Variants in COL24A1 observed in about 807,000 individuals in gnomAD.
The protein encoded by COL24A1 is collagen alpha-1(XXIV) chain.
COL24A1 carries 224 observed loss-of-function variants against 253.9 expected under a neutral mutation model. That is an observed-to-expected ratio of 0.88 (90% CI 0.79 to 0.99). The LOEUF (loss-of-function observed/expected upper bound fraction) is 0.99, where lower values mean the gene tolerates loss of function less well. COL24A1 is among the 50% of genes least tolerant of loss of function. The probability of loss-of-function intolerance (pLI) is 0.00; values close to 1 mark genes in which losing one functional copy is unlikely to be tolerated. For synonymous variants in COL24A1, 685 were observed against 673.7 expected, an observed-to-expected ratio of 1.02 and a Z score of -0.26; for missense variants, 2,131 against 2,068.5, an observed-to-expected ratio of 1.03 and a Z score of -0.59.
At chr1:86,070,250 C>G (rs922814309) in intron 7 of COL24A1, among the ~76,000 whole-genome samples, 10 of 152,104 alleles carry the variant, frequency 6.6e-5, no homozygotes, top group Non-Finnish European at 1.3e-4. Flanking sequence ...ACTTAGTGAG[C>G]TTGAAGACAG....
At chr1:85,823,874 G>T in intron 43 of COL24A1, 136 bp from the exon 44 acceptor site, 1 of 762,308 alleles carries the variant, frequency 1.3e-6, no homozygotes, top group Non-Finnish European at 2.1e-6. Flanking sequence ...ATTCTTCTTG[G>T]AAATAGAAAA....
At chr1:85,759,575 C>T (rs908862723) in intron 55 of COL24A1, among the ~76,000 whole-genome samples, 1 of 151,722 alleles carries the variant, frequency 6.6e-6, no homozygotes, top group Non-Finnish European at 1.5e-5. Context: ...TTCATATTGG[C>T]CAAGAAGGAA....
At chr1:85,925,953 C>A (rs1357722122) in intron 24 of COL24A1, among the ~76,000 whole-genome samples, 1 of 152,056 alleles carries the variant, frequency 6.6e-6, no homozygotes, top group African/African-American at 2.4e-5. Flanking sequence ...CCAGAAACTA[C>A]AAAGAACTTA....
intron 12 of COL24A1, among the ~76,000 whole-genome samples, chr1:86,041,524 A>G (rs886705056): frequency 8.5e-5 from 13 of 152,142 alleles, no homozygotes; most frequent in African/African-American, 2.9e-4. Context: ...AAAAGCAACT[A>G]TAGAATTTCC....
At chr1:85,876,805 T>C (rs763677662) in intron 33 of COL24A1, among the ~76,000 whole-genome samples, 61 of 152,198 alleles carry the variant, frequency 4.0e-4, no homozygotes, top group Non-Finnish European at 8.2e-4. Context: ...GGGTAATGTC[T>C]CAGTATTCTT....
intron 5 of COL24A1, among the ~76,000 whole-genome samples, chr1:86,108,508 C>T (rs916226918): frequency 1.3e-5 from 2 of 150,380 alleles, no homozygotes; most frequent in Non-Finnish European, 2.9e-5. Flanking sequence ...TCGGGCTGGT[C>T]GCGGTGGCTC....
intron 24 of COL24A1, among the ~76,000 whole-genome samples, chr1:85,948,953 C>T (rs1405575622): frequency 1.3e-5 from 2 of 151,998 alleles, no homozygotes; most frequent in Admixed American, 6.6e-5. Context: ...TTGCCAATTA[C>T]TTAATCTTTT....
intron 2 of COL24A1, among the ~76,000 whole-genome samples, chr1:86,143,624 T>G (rs1430370080): frequency 6.6e-6 from 1 of 151,938 alleles, no homozygotes; most frequent in African/African-American, 2.4e-5. Context: ...TAATAGGAAG[T>G]CAATATAATA....
chr1:86,010,714 A>G (rs771897955), intron 19 of COL24A1, among the ~76,000 whole-genome samples: 4 of 152,134 alleles, frequency 2.6e-5, no homozygotes, highest in Admixed American at 1.3e-4. Context: ...ATGTAGGAGA[A>G]TGATTGAATA....
intron 37 of COL24A1, among the ~76,000 whole-genome samples, chr1:85,852,335 C>A (rs1677869923): frequency 6.6e-6 from 1 of 152,146 alleles, no homozygotes; most frequent in South Asian, 2.1e-4. Context: ...CACTAACTAA[C>A]TTAATTACTC....
At chr1:85,747,252 T>C (rs945367399) in intron 55 of COL24A1, among the ~76,000 whole-genome samples, 1 of 151,864 alleles carries the variant, frequency 6.6e-6, no homozygotes, top group Non-Finnish European at 1.5e-5. Context: ...TAGCTGTGAC[T>C]ACAGGCTTGT....
intron 55 of COL24A1, among the ~76,000 whole-genome samples, chr1:85,760,701 A>G (rs557168279): frequency 6.6e-6 from 1 of 152,250 alleles, no homozygotes; most frequent in African/African-American, 2.4e-5. Flanking sequence ...AGAAAATGTG[A>G]CCAAGGACCA....
In COL24A1 at chr1:85,784,284, C is replaced by T; in HGVS notation, c.4142G>A (p.Gly1381Glu). The change falls in exon 49 of 60, where the codon GGA becomes GAA. Residue 1381 changes from glycine to glutamate, a missense_variant. Gly to Glu is a moderately conservative substitution (Grantham distance 98). Transcript: ENST00000370571. ...AGGCTGCCCTTTCAGGCCAGGGTCT[C>T]CACATGGTCCTTGATCACCTTGTGC... Reference protein sequence around the residue: ...RGAQGDQGPCGDPGLKGQPGE... With the variant: ...RGAQGDQGPCEDPGLKGQPGE... 6.2e-7 allele frequency: 1 copy of T among 1,614,048 alleles called. No individual in the cohort carries two copies. The highest frequency in any genetic ancestry group is 8.5e-7 in the Non-Finnish European group (1 of 1,179,960).
intron 5 of COL24A1, among the ~76,000 whole-genome samples, chr1:86,106,298 C>T (rs1243548640): frequency 2.6e-5 from 4 of 151,732 alleles, no homozygotes; most frequent in Non-Finnish European, 5.9e-5. Flanking sequence ...GTGTTCAATA[C>T]TTTATATATA....
intron 7 of COL24A1, among the ~76,000 whole-genome samples, chr1:86,083,396 A>G (rs1388298124): frequency 6.6e-6 from 1 of 151,838 alleles, no homozygotes. Context: ...TCTGTATCAT[A>G]TATGTATATC....
intron 57 of COL24A1, among the ~76,000 whole-genome samples, chr1:85,744,032 T>C (rs1197840128): frequency 6.6e-6 from 1 of 152,200 alleles, no homozygotes; most frequent in Admixed American, 6.5e-5. Flanking sequence ...TACATTTTTT[T>C]TTCAAACATG....
At chr1:86,108,232 C>T (rs937624117) in intron 5 of COL24A1, among the ~76,000 whole-genome samples, 1 of 151,910 alleles carries the variant, frequency 6.6e-6, no homozygotes, top group Admixed American at 6.6e-5. Flanking sequence ...TAATTTGATA[C>T]GTTCTTATAA....
rs537820067 is a variant in COL24A1, at chr1:85,881,378, G to A, written c.2977-4203C>T. 1.6e-4 allele frequency among the ~76,000 whole-genome samples: 24 copies of A among 152,108 alleles called. No individual in the cohort carries two copies. The South Asian group carries it at 4.8e-3, about 30-fold the overall frequency. On this transcript the variant is annotated intron_variant, in intron 32 of 59. Transcript: ENST00000370571. ...AGTTATCAAATTTGTGGAAATATTG[G>A]GAGGCCGAGGCGGGCCGATCACGAG...
At chr1:86,048,825 A>G (rs1700103945) in intron 11 of COL24A1, among the ~76,000 whole-genome samples, 1 of 152,174 alleles carries the variant, frequency 6.6e-6, no homozygotes, top group African/African-American at 2.4e-5. Context: ...GCTAAAAATT[A>G]GTGAGTGTGA....
Sources: allele counts gnomAD v4.1 joint callset (sites outside exome capture counted in the v4.1 genomes callset), GRCh38; gene constraint gnomAD v4.1.1; transcripts MANE v1.5; gene names NCBI Gene and HGNC (gene_info 2026-07-23, HGNC 2026-07-21).